EGF: variants seen among roughly 807,000 people sequenced by gnomAD.
The protein encoded by EGF is pro-epidermal growth factor.
In EGF, 95 loss-of-function variants were observed where a neutral mutation model predicts 143.8. The ratio of observed to expected loss-of-function variants is 0.66; its 90% CI spans 0.56 to 0.78. The LOEUF is 0.78. Ranked by LOEUF, EGF falls within the 30% of genes least tolerant of loss-of-function variation. EGF has a pLI of 0.00. For synonymous variants in EGF, 510 were observed against 510.5 expected, an observed-to-expected ratio of 1.00 and a Z score of 0.01; for missense variants, 1,320 against 1,470.9, an observed-to-expected ratio of 0.90 and a Z score of 1.68.
chr4:109,923,575 T>C (rs1320350980), intron 1 of EGF, among the ~76,000 whole-genome samples: 2 of 151,520 alleles, frequency 1.3e-5, no homozygotes, highest in Non-Finnish European at 2.9e-5. Flanking sequence ...ATTTAAGTTA[T>C]TGTTTTACTT....
Position 110,001,740 on chromosome 4 carries a change from A to G in EGF, c.3173+1894A>G, listed in dbSNP as rs146446731. On this transcript the variant is annotated intron_variant, in intron 21 of 23. Coordinates refer to ENST00000265171, the MANE Select transcript of EGF (RefSeq NM_001963.6). ...AAAGATGACTATAGACTTTACATAC[A>G]TATAAGAGTATCTTCAACCTCAGAC... 673 of 985,464 alleles carry G rather than the reference A, an allele frequency of 6.8e-4. 4 individuals are homozygous for G. In the African/African-American group the frequency reaches 0.011, roughly 16 times the overall value. 61.0% of individuals were successfully genotyped at this position (985,464 alleles called of 1,614,324 possible). A position where few individuals can be genotyped will look rare whatever the true frequency, so the allele number is the denominator to read the frequency against.
chr4:109,996,956 T>C (rs1391628457), intron 20 of EGF, among the ~76,000 whole-genome samples: 1 of 152,204 alleles, frequency 6.6e-6, no homozygotes, highest in Non-Finnish European at 1.5e-5. Flanking sequence ...AAAAACAGGC[T>C]GTATGGTCAA....
At chr4:109,948,113 C>G (rs1251634659) in intron 5 of EGF, among the ~76,000 whole-genome samples, 1 of 152,192 alleles carries the variant, frequency 6.6e-6, no homozygotes, top group Non-Finnish European at 1.5e-5. Context: ...CAATGATTCA[C>G]TAAAGTGCAG....
chr4:109,964,500 T>G lies in EGF; in HGVS notation c.1538T>G (p.Met513Arg). 6.2e-7 allele frequency: 1 copy of G among 1,613,940 alleles called. No individual in the cohort carries two copies. ...YGTLLSQQMGMVYALDHDPVE... is the reference protein window; with the variant it reads ...YGTLLSQQMGRVYALDHDPVE... ...ACTCTGCTCAGCCAGCAGATGGGAA[T>G]GGTTTATGCCCTAGATCATGACCCT... Residue 513 changes from methionine to arginine, a missense_variant, in exon 10 of 24, where the codon ATG becomes AGG. Met to Arg is a moderately conservative substitution (Grantham distance 91). Coordinates refer to ENST00000265171, the MANE Select transcript of EGF (RefSeq NM_001963.6).
At chr4:109,917,822 G>T (rs1393563014) in intron 1 of EGF, among the ~76,000 whole-genome samples, 7 of 152,026 alleles carry the variant, frequency 4.6e-5, no homozygotes, top group Non-Finnish European at 2.9e-5. Flanking sequence ...GTTTCATCAT[G>T]TTGGCCAGGC....
At chr4:110,002,943 C>A (rs1752765920) in intron 21 of EGF, among the ~76,000 whole-genome samples, 1 of 152,170 alleles carries the variant, frequency 6.6e-6, no homozygotes, top group Admixed American at 6.5e-5. Flanking sequence ...TGTTAGTTTG[C>A]TAAGAATAAT....
chr4:109,943,941 A>C lies in EGF; in HGVS notation c.609A>C (p.Thr203=). 6.2e-7 allele frequency: 1 copy of C among 1,614,164 alleles called. No individual in the cohort carries two copies. The change falls in exon 4 of 24, where the codon ACA becomes ACC. Residue 203 remains threonine, a synonymous_variant. Coordinates refer to ENST00000265171, the MANE Select transcript of EGF (RefSeq NM_001963.6). ...KALLETSEKI[T]AVSLDVLDKR... ...TGTTGGAGACATCAGAGAAAATAAC[A>C]GCTGTGTCATTGGATGTGCTTGATA...
Position 109,913,207 on chromosome 4 carries a change from A to G in EGF, c.-129A>G. On this transcript the variant is annotated 5_prime_UTR_variant, in exon 1 of 24. Transcript: ENST00000265171. ...GAGGACAACAGCACAACAGGAGAGT[A>G]AAAGATGCCCCAGGGCTGAGGCCTC... 1.7e-6 allele frequency: 2 copies of G among 1,165,036 alleles called. No homozygotes were observed. The highest frequency in any genetic ancestry group is 1.3e-5 in the South Asian group (1 of 79,702). The allele number at this position is 1,165,036 out of a possible 1,614,324, so 72.2% of individuals were successfully genotyped here.
At chr4:109,997,434 C>T (rs903261563) in intron 20 of EGF, among the ~76,000 whole-genome samples, 2 of 152,112 alleles carry the variant, frequency 1.3e-5, no homozygotes, top group Non-Finnish European at 2.9e-5. Flanking sequence ...GCCCGGGTAA[C>T]ATGGTGAGAC....
chr4:109,941,112 G>A lies in EGF; in HGVS notation c.294G>A (p.Leu98=). ...IYWVDLERQL[L]QRVFLNGSRQ... ...GGGTGGATTTAGAAAGACAACTTTTGCAAAGAGTTTTTCTGAATGGGTCAA... is the reference window on the plus strand; with the variant it reads ...GGGTGGATTTAGAAAGACAACTTTTACAAAGAGTTTTTCTGAATGGGTCAA... Residue 98 remains leucine (L), a synonymous_variant, in exon 2 of 24, where the codon TTG becomes TTA. Coordinates refer to ENST00000265171, the MANE Select transcript of EGF (RefSeq NM_001963.6). 1 of 1,613,952 alleles carries A rather than the reference G, an allele frequency of 6.2e-7. No individual in the cohort carries two copies. Among genetic ancestry groups the A allele is most frequent in the Non-Finnish European group, 8.5e-7 (1 of 1,179,924 alleles).
At chr4:109,917,396 C>T (rs970355639) in intron 1 of EGF, among the ~76,000 whole-genome samples, 2 of 152,082 alleles carry the variant, frequency 1.3e-5, no homozygotes, top group Non-Finnish European at 2.9e-5. Context: ...AATTAAAAAC[C>T]TTACTTTATA....
chr4:109,943,231 A>G (rs1328925286), intron 2 of EGF, 23 bp from the exon 3 acceptor site: 1 of 1,526,304 alleles, frequency 6.6e-7, no homozygotes, highest in South Asian at 1.2e-5. Context: ...TATTAATAAC[A>G]ATTTTAAAAT....
intron 10 of EGF, among the ~76,000 whole-genome samples, chr4:109,964,760 T>G (rs1438363196): frequency 2.0e-5 from 3 of 152,212 alleles, no homozygotes; most frequent in Admixed American, 1.3e-4. Context: ...AGCCGTTTTA[T>G]TGGAAATGAT....
Position 110,013,691 on chromosome 4 carries a change from T to A in EGF, c.*2236T>A, listed in dbSNP as rs1754167847. On this transcript the variant is annotated 3_prime_UTR_variant, in exon 24 of 24. Transcript: ENST00000265171. ...ACGCCTGATTGAGCTTCTGTTTGAC[T>A]AAATATCACCTACTATGTAAAAAAT... is the stretch of plus-strand genomic sequence containing the variant. Among the ~76,000 whole-genome samples the A allele has an allele frequency of 1.3e-5, 2 of 152,202 alleles. No individual in the cohort carries two copies. Among genetic ancestry groups the A allele is most frequent in the South Asian group, 4.2e-4 (2 of 4,810 alleles).
chr4:109,925,508 T>C (rs1738477439), intron 1 of EGF, among the ~76,000 whole-genome samples: 1 of 152,212 alleles, frequency 6.6e-6, no homozygotes, highest in Non-Finnish European at 1.5e-5. Context: ...CCATTTTATT[T>C]TTGCAGATGA....
intron 13 of EGF, 54 bp downstream of exon 13, chr4:109,976,289 T>A: frequency 6.9e-7 from 1 of 1,451,146 alleles, no homozygotes; most frequent in Non-Finnish European, 9.6e-7. Flanking sequence ...TTATGAGTGT[T>A]AAATACAAAA....
In EGF at chr4:109,980,148, T is replaced by G. The variant is rs1445565509; in HGVS notation, c.2221+9T>G. ...TCCATTGGCAAAACCAGGTACATAC[T>G]GGAGATGTTACACAGTCTTTCCTTG... On this transcript the variant is annotated intron_variant, in intron 14 of 23. Transcript: ENST00000265171. 6 of 1,596,546 alleles carry G rather than the reference T, an allele frequency of 3.8e-6. No homozygotes were observed. Among genetic ancestry groups the G allele is most frequent in the Non-Finnish European group, 5.1e-6 (6 of 1,170,702 alleles).
chr4:109,930,003 G>A (rs962029624), intron 1 of EGF, among the ~76,000 whole-genome samples: 2 of 152,182 alleles, frequency 1.3e-5, no homozygotes, highest in African/African-American at 4.8e-5. Context: ...AATAGTGAGT[G>A]AGTTCTCACG....
chr4:109,919,316 TCTC>T (rs1737317738), intron 1 of EGF, among the ~76,000 whole-genome samples: 2 of 146,268 alleles, frequency 1.4e-5, no homozygotes, highest in African/African-American at 2.6e-5. Flanking sequence ...TCTCTCTCTC[TCTC>T]TCTCTCTCTC....
Sources: gnomAD v4.1 joint callset for allele counts (sites outside exome capture counted in the v4.1 genomes callset) on GRCh38, gnomAD v4.1.1 for gene constraint, MANE v1.5 for transcripts, NCBI Gene and HGNC (gene_info 2026-07-23, HGNC 2026-07-21) for gene names.